Variants in ACSM3 observed in about 807,000 individuals in gnomAD.
ACSM3 encodes the protein acyl-coenzyme A synthetase ACSM3, mitochondrial.
Under a neutral mutation model 74.1 loss-of-function variants are expected in ACSM3, and 61 were observed. The ratio of observed to expected loss-of-function variants is 0.82; its 90% confidence interval spans 0.67 to 1.02. ACSM3 has a LOEUF of 1.02. Among genes scored for constraint, ACSM3 ranks in the 50% least tolerant of loss-of-function variants. ACSM3 has a pLI of 0.00. For missense variants in ACSM3, 660 were observed against 697.0 expected, an observed-to-expected ratio of 0.95 and a Z score of 0.60; for synonymous variants, 213 against 241.5, an observed-to-expected ratio of 0.88 and a Z score of 1.09.
Position 20,796,488 on chromosome 16 carries a change from A to G in ACSM3, c.1673A>G (p.Lys558Arg). ...ACAGCACCTTACAAATATCCCAGAA[A>G]GGTAGGCATCCTAATTATAACGAAT... ...KTTAPYKYPR[K>R]VEFIQELPKT... Residue 558 changes from lysine to arginine, a missense_variant and splice_region_variant, in exon 13 of 14, where the codon AAG (lysine) becomes AGG (arginine). Lys to Arg is a conservative substitution (Grantham distance 26). Coordinates refer to ENST00000289416, the MANE Select transcript of ACSM3 (RefSeq NM_005622.4). 6.2e-7 allele frequency: 1 copy of G among 1,611,596 alleles called. No individual in the cohort carries two copies. The highest frequency in any genetic ancestry group is 8.5e-7 in the Non-Finnish European group (1 of 1,179,482).
intron 1 of ACSM3, chr16:20,681,993 A>G (rs1045595312): frequency 2.0e-5 from 7 of 347,352 alleles, no homozygotes; most frequent in Admixed American, 8.2e-5. Flanking sequence ...ATGATGTAAT[A>G]CATGTCTCAA....
intron 1 of ACSM3, chr16:20,733,922 AGG>A (rs973534735): frequency 1.3e-5 from 2 of 152,092 alleles, no homozygotes; most frequent in Non-Finnish European, 2.9e-5. Flanking sequence ...AAAAAACAAA[AGG>A]GGAATAAAAA....
chr16:20,746,871 T>C (rs12103015), intron 1 of ACSM3, among the ~76,000 whole-genome samples: 7,315 of 152,276 alleles, frequency 0.048, 588 homozygotes, highest in African/African-American at 0.17. Flanking sequence ...TATGGCAAAC[T>C]TGGCACTTTG....
chr16:20,719,283 TG>T, intron 1 of ACSM3: 1 of 237,214 alleles, frequency 4.2e-6, no homozygotes. Context: ...TGACACAGGC[TG>T]GGTCAAGGCC....
In ACSM3 at chr16:20,705,155, G is replaced by A. The variant is rs576206331; in HGVS notation, c.-190+30333G>A. On this transcript the variant is annotated intron_variant, in intron 1 of 3. Transcript: ENST00000561584. The stretch of plus-strand genomic sequence containing the variant: ...TGGGAGGCCGAGGCGGGCAGATCAC[G>A]AGGTCAGGAGATTGAGAACATCCTG... 5.3e-5 allele frequency among the ~76,000 whole-genome samples: 8 copies of A among 152,210 alleles called. No individual in the cohort carries two copies. In the East Asian group the frequency reaches 9.7e-4, roughly 18 times the overall value.
rs763212120 is a variant in ACSM3, at chr16:20,781,166, T to C, written c.939+36T>C. 8.7e-6 allele frequency: 14 copies of C among 1,609,164 alleles called. No individual in the cohort carries two copies. In the South Asian group the frequency reaches 8.9e-5, roughly 10 times the overall value. ...GCACAAAGAGGTCAATATTTAGAAA[T>C]GCATTAAGCAGTATGGCTGACAGAA... On this transcript the variant is annotated intron_variant, in intron 6 of 13. Transcript: ENST00000289416.
intron 1 of ACSM3, chr16:20,721,130 G>A (rs1339812302): frequency 6.6e-6 from 1 of 152,246 alleles, no homozygotes; most frequent in African/African-American, 2.4e-5. Flanking sequence ...AAGCCTGTGA[G>A]GAAAGGTATA....
chr16:20,728,316 C>T, intron 1 of ACSM3: 1 of 750,870 alleles, frequency 1.3e-6, no homozygotes, highest in Non-Finnish European at 2.2e-6. Context: ...ATTCACTGTA[C>T]AACTATTTAC....
chr16:20,710,417 T>C (rs2079740508), intron 1 of ACSM3, among the ~76,000 whole-genome samples: 1 of 152,224 alleles, frequency 6.6e-6, no homozygotes, highest in Admixed American at 6.5e-5. Flanking sequence ...TGCACTAATA[T>C]AGTATGCATA....
chr16:20,718,571 C>T (rs967737269), intron 1 of ACSM3: 6 of 234,026 alleles, frequency 2.6e-5, no homozygotes, highest in African/African-American at 4.6e-5. Context: ...ATCGATACTT[C>T]TCCTTGAATT....
chr16:20,785,229 T>A, intron 8 of ACSM3, 122 bp downstream of exon 8: 2 of 1,355,762 alleles, frequency 1.5e-6, no homozygotes, highest in Non-Finnish European at 2.0e-6. Context: ...AGAAAATGTT[T>A]AAAAAAACAA....
intron 6 of ACSM3, 37 bp downstream of exon 6, chr16:20,781,167 G>A (rs1236461063): frequency 2.2e-5 from 35 of 1,608,194 alleles, no homozygotes; most frequent in Non-Finnish European, 3.0e-5. Flanking sequence ...ATTTAGAAAT[G>A]CATTAAGCAG....
At chr16:20,739,072 C>G (rs774540970) in intron 1 of ACSM3, 1 of 1,614,100 alleles carries the variant, frequency 6.2e-7, no homozygotes, top group South Asian at 1.1e-5. Flanking sequence ...TGTCTGTAAA[C>G]TGTTTGCATA....
intron 1 of ACSM3, chr16:20,735,506 G>C (rs771540163): frequency 5.3e-5 from 8 of 151,388 alleles, no homozygotes; most frequent in Admixed American, 3.3e-4. Flanking sequence ...AAAGCAGTGT[G>C]CTATAATGTC....
intron 1 of ACSM3, chr16:20,682,192 T>G: frequency 1.9e-6 from 3 of 1,540,752 alleles, no homozygotes; most frequent in Non-Finnish European, 2.7e-6. Context: ...CTGGTCTCTC[T>G]GATTCCTAAA....
upstream of ACSM3, among the ~76,000 whole-genome samples, chr16:20,763,372 G>C (rs992680310): frequency 1.3e-5 from 2 of 152,240 alleles, no homozygotes; most frequent in Admixed American, 6.5e-5. Context: ...TCTGAGGAAA[G>C]AGTTCCAGTC....
intron 2 of ACSM3, among the ~76,000 whole-genome samples, chr16:20,753,660 C>G (rs2080005661): frequency 6.6e-6 from 1 of 151,852 alleles, no homozygotes; most frequent in South Asian, 2.1e-4. Flanking sequence ...TACAGATATA[C>G]AGACAGAGAA....
intron 1 of ACSM3, among the ~76,000 whole-genome samples, chr16:20,701,664 G>C (rs1378029893): frequency 1.3e-5 from 2 of 152,144 alleles, no homozygotes; most frequent in African/African-American, 4.8e-5. Flanking sequence ...TGTGCATTAA[G>C]TGTTTATCCT....
At position 20,777,425 on chromosome 16, in the gene ACSM3, C is replaced by A. The variant is rs1257637678; in HGVS notation, c.483C>A (p.Tyr161Ter). 15 of 1,613,946 alleles carry A rather than the reference C, an allele frequency of 9.3e-6. 1 individual carries two copies. The highest frequency in any genetic ancestry group is 1.3e-5 in the Non-Finnish European group (15 of 1,179,980). The part of the protein sequence containing the change: ...TTQLTQKDIL[Y>*]RLQSSKANCI... ...AGCTGACCCAGAAAGACATTCTCTA[C>A]AGACTACAATCTTCAAAAGCAAACT... Residue 161 changes from tyrosine to a stop codon, truncating the protein, a stop_gained, in exon 4 of 14, where the codon TAC (tyrosine) becomes TAA (stop). Transcript: ENST00000289416. LOFTEE classifies it high-confidence loss of function.
Sources: gnomAD v4.1 joint callset for allele counts (sites outside exome capture counted in the v4.1 genomes callset) on GRCh38, gnomAD v4.1.1 for gene constraint, MANE v1.5 for transcripts, NCBI Gene and HGNC (gene_info 2026-07-23, HGNC 2026-07-21) for gene names.